TUSC3: variants seen among roughly 807,000 people sequenced by gnomAD.
TUSC3 encodes the protein dolichyl-diphosphooligosaccharide--protein glycosyltransferase subunit TUSC3.
A neutral mutation model predicts 44.8 loss-of-function variants in TUSC3; 45 were observed. That is an observed-to-expected ratio of 1.00 (90% CI 0.79 to 1.29). The LOEUF (loss-of-function observed/expected upper bound fraction) is 1.29, where lower values mean the gene tolerates loss of function less well. Ranked by LOEUF, TUSC3 falls within the 50% of genes most tolerant of loss-of-function variation. The pLI is 0.00. For missense variants in TUSC3, 519 were observed against 437.9 expected, an observed-to-expected ratio of 1.19 and a Z score of -1.65; for synonymous variants, 212 against 152.9, an observed-to-expected ratio of 1.39 and a Z score of -2.85.
chr8:15,690,446 A>T (rs1808849570), intron 6 of TUSC3, among the ~76,000 whole-genome samples: 1 of 151,552 alleles, frequency 6.6e-6, no homozygotes, highest in African/African-American at 2.4e-5. Flanking sequence ...CCTGTTCTGT[A>T]GGTTGTCTGT....
intron 1 of TUSC3, among the ~76,000 whole-genome samples, chr8:15,593,926 A>G (rs1054468126): frequency 7.9e-5 from 12 of 152,080 alleles, no homozygotes; most frequent in African/African-American, 2.7e-4. Context: ...AATCTACTCT[A>G]TAAAGTTTTC....
At chr8:15,460,188 C>T (rs1800325363) in intron 1 of TUSC3, among the ~76,000 whole-genome samples, 1 of 152,100 alleles carries the variant, frequency 6.6e-6, no homozygotes, top group African/African-American at 2.4e-5. Flanking sequence ...TCTGCATCCA[C>T]ACCAACATCT....
intron 1 of TUSC3, among the ~76,000 whole-genome samples, chr8:15,588,686 T>C (rs1803695899): frequency 6.6e-6 from 1 of 152,182 alleles, no homozygotes; most frequent in African/African-American, 2.4e-5. Context: ...TTTATAGTTT[T>C]GGGTCTTACA....
chr8:15,723,864 C>T (rs1456430885), intron 6 of TUSC3, among the ~76,000 whole-genome samples: 1 of 152,102 alleles, frequency 6.6e-6, no homozygotes, highest in African/African-American at 2.4e-5. Context: ...AGACTCAGGA[C>T]TAGTATCATG....
At chr8:15,500,275 A>G (rs1300522529) in intron 2 of TUSC3, among the ~76,000 whole-genome samples, 1 of 152,206 alleles carries the variant, frequency 6.6e-6, no homozygotes, top group Non-Finnish European at 1.5e-5. Context: ...TAGTAGATCA[A>G]AGGAAATCAG....
chr8:15,620,315 C>G (rs1805189851), intron 1 of TUSC3, among the ~76,000 whole-genome samples: 1 of 152,058 alleles, frequency 6.6e-6, no homozygotes, highest in Non-Finnish European at 1.5e-5. Flanking sequence ...AAGATTGATG[C>G]AAAATGATGG....
At chr8:15,518,621 G>C (rs1363666103) in intron 2 of TUSC3, among the ~76,000 whole-genome samples, 1 of 151,956 alleles carries the variant, frequency 6.6e-6, no homozygotes, top group Non-Finnish European at 1.5e-5. Context: ...TAGGATTATA[G>C]ACATTAAATG....
chr8:15,735,875 T>TG (rs781411680), intron 7 of TUSC3, among the ~76,000 whole-genome samples: 11 of 33,432 alleles, frequency 3.3e-4, no homozygotes, highest in African/African-American at 1.1e-3. Context: ...AATGGGTTTT[T>TG]TTTTTTTGTT....
intron 1 of TUSC3, among the ~76,000 whole-genome samples, chr8:15,582,976 A>C (rs1197360977): frequency 1.3e-5 from 2 of 152,194 alleles, no homozygotes; most frequent in Non-Finnish European, 2.9e-5. Context: ...CAAATCTTAC[A>C]TTTAGAGATC....
At chr8:15,742,980 A>C (rs1045367680) in intron 7 of TUSC3, among the ~76,000 whole-genome samples, 2 of 152,230 alleles carry the variant, frequency 1.3e-5, no homozygotes, top group African/African-American at 4.8e-5. Context: ...TTAGCTGACT[A>C]GCTCAGGGTC....
chr8:15,594,004 C>A (rs1181402464), intron 1 of TUSC3, among the ~76,000 whole-genome samples: 1 of 152,158 alleles, frequency 6.6e-6, no homozygotes, highest in South Asian at 2.1e-4. Flanking sequence ...CATGTACTAA[C>A]GATACTATAT....
the TUSC3 span, among the ~76,000 whole-genome samples, chr8:15,843,044 T>A: frequency 6.6e-6 from 1 of 152,144 alleles, no homozygotes; most frequent in Non-Finnish European, 1.5e-5. Flanking sequence ...TGCTCCAGTC[T>A]CCCAAGGAAA....
intron 1 of TUSC3, among the ~76,000 whole-genome samples, chr8:15,545,717 A>C (rs1031573875): frequency 6.6e-6 from 1 of 151,804 alleles, no homozygotes; most frequent in African/African-American, 2.4e-5. Context: ...GAGAAGGGGA[A>C]AGAGTGGAAA....
At chr8:15,430,430 C>T (rs977766968) in intron 1 of TUSC3, among the ~76,000 whole-genome samples, 1 of 150,342 alleles carries the variant, frequency 6.7e-6, no homozygotes, top group African/African-American at 2.5e-5. Context: ...GTTCAACAAC[C>T]CTTCATGTTA....
chr8:15,517,242 A>T, intron 2 of TUSC3, among the ~76,000 whole-genome samples: 1 of 152,140 alleles, frequency 6.6e-6, no homozygotes, highest in Middle Eastern at 3.2e-3. Context: ...ACTGAAGAAC[A>T]AATAATTGAT....
chr8:15,464,393 G>A (rs750173720), intron 1 of TUSC3, among the ~76,000 whole-genome samples: 1 of 152,156 alleles, frequency 6.6e-6, no homozygotes, highest in Non-Finnish European at 1.5e-5. Context: ...TTCATTCATG[G>A]ATTCAACAAA....
intron 1 of TUSC3, among the ~76,000 whole-genome samples, chr8:15,466,559 A>G (rs186534792): frequency 4.8e-4 from 73 of 152,276 alleles, no homozygotes; most frequent in African/African-American, 1.4e-3. Flanking sequence ...AAGGATCTTA[A>G]AATGGTTTTT....
Position 15,524,784 on chromosome 8 carries a change from C to A in TUSC3, n.189+41301C>A, listed in dbSNP as rs572847906. Among the ~76,000 whole-genome samples, 11 of 152,032 alleles carry A rather than the reference C, an allele frequency of 7.2e-5. No homozygotes were observed. In the South Asian group the frequency reaches 1.0e-3, roughly 14 times the overall value. On this transcript the variant is annotated intron_variant and non_coding_transcript_variant, in intron 2 of 5. Coordinates refer to the TUSC3 transcript ENST00000503191. ...GCGCATAGTGAAGTTTTGCAGACACCCTATAATATGTGATATTACAACAGA... is the reference window on the plus strand; with the variant it reads ...GCGCATAGTGAAGTTTTGCAGACACACTATAATATGTGATATTACAACAGA...
intron 1 of TUSC3, among the ~76,000 whole-genome samples, chr8:15,610,160 T>A (rs1804699938): frequency 6.6e-6 from 1 of 152,166 alleles, no homozygotes; most frequent in South Asian, 2.1e-4. Flanking sequence ...GTTGTTTTTA[T>A]GAGGGGCTTT....
Sources: allele counts gnomAD v4.1 joint callset (sites outside exome capture counted in the v4.1 genomes callset), GRCh38; gene constraint gnomAD v4.1.1; transcripts MANE v1.5; gene names NCBI Gene and HGNC (gene_info 2026-07-23, HGNC 2026-07-21).